The following SV2B variants were observed in gnomAD, a reference collection of about 807,000 sequenced individuals.
The protein encoded by SV2B is synaptic vesicle glycoprotein 2B, also known as solute carrier family 22 member B2.
Under a neutral mutation model 73.9 loss-of-function variants are expected in SV2B, and 41 were observed. The ratio of observed to expected loss-of-function variants is 0.56; its 90% CI spans 0.43 to 0.72. The LOEUF is 0.72. Among genes scored for constraint, SV2B ranks in the 30% least tolerant of loss-of-function variants. The pLI, the probability that SV2B is intolerant of heterozygous loss-of-function variation, is 0.00. For synonymous variants in SV2B, 314 were observed against 314.2 expected (o/e 1.00, Z 0.01); for missense variants, 764 against 857.8 (o/e 0.89, Z 1.37).
At chr15:91,156,894 T>A (rs1422857923) in intron 1 of SV2B, among the ~76,000 whole-genome samples, 2 of 152,196 alleles carry the variant, frequency 1.3e-5, no homozygotes, top group Admixed American at 1.3e-4. Flanking sequence ...GGCTGCTAAT[T>A]GCAATTTTTG....
rs539026456 is a variant in SV2B at position 91,128,281 on chromosome 15, G to C, written c.-392+27918G>C. On this transcript the variant is annotated intron_variant, in intron 1 of 12. Transcript: ENST00000394232. The surrounding 1 kb of genome is among the most constrained non-coding windows in gnomAD (Gnocchi z 4.2). ...CCAAGAAGGTGGGATGGGAGAGCAG[G>C]AGGAGGTGTCAGAATGTAAAAGCTG... Among the ~76,000 whole-genome samples, 1 of 152,182 alleles carries C rather than the reference G, an allele frequency of 6.6e-6. No homozygotes were observed. Among genetic ancestry groups the C allele is most frequent in the African/African-American group, 2.4e-5 (1 of 41,446 alleles).
chr15:91,115,843 A>C lies in SV2B; in HGVS notation c.-392+15480A>C, dbSNP rs1567263985. The stretch of plus-strand genomic sequence containing the variant: ...TTATTTATTCAGCAAATGTTTATTG[A>C]CTTCTCATTGTGTTAGGCATCAGAG... On this transcript the variant is annotated intron_variant, in intron 1 of 12. Coordinates refer to ENST00000394232, the MANE Select transcript of SV2B (RefSeq NM_001323032.3). The surrounding 1 kb of genome is among the most constrained non-coding windows in gnomAD (Gnocchi z 4.3). 6.6e-6 allele frequency among the ~76,000 whole-genome samples: 1 copy of C among 152,088 alleles called. No individual in the cohort carries two copies. The highest frequency in any genetic ancestry group is 2.4e-5 in the African/African-American group (1 of 41,424).
At chr15:91,210,383 G>A (rs2045812577) in intron 1 of SV2B, among the ~76,000 whole-genome samples, 3 of 152,168 alleles carry the variant, frequency 2.0e-5, no homozygotes, top group South Asian at 2.1e-4. Flanking sequence ...GGAGAGTACA[G>A]ATGGCAGGCA....
At position 91,294,775 on chromosome 15, in the gene SV2B, A is replaced by G. The variant is rs950915388; in HGVS notation, c.*2223A>G. 21 of 152,330 alleles carry G rather than the reference A, an allele frequency of 1.4e-4. 1 individual carries two copies. The highest frequency in any genetic ancestry group is 1.2e-3 in the Admixed American group (18 of 15,292). 9.4% of individuals were successfully genotyped at this position (152,330 alleles called of 1,614,324 possible). A position where few individuals can be genotyped will look rare whatever the true frequency, so the allele number is the denominator to read the frequency against. ...ACATTGGAGTGCTGGGGTGGCTGCA[A>G]TAATTTGGGGGCTAACTCCATTTGG... On this transcript the variant is annotated 3_prime_UTR_variant, in exon 13 of 13. Transcript: ENST00000394232. The surrounding 1 kb of genome is among the most constrained non-coding windows in gnomAD (Gnocchi z 4.1).
chr15:91,185,482 G>A (rs559851960), intron 1 of SV2B, among the ~76,000 whole-genome samples: 7 of 152,182 alleles, frequency 4.6e-5, no homozygotes, highest in African/African-American at 1.7e-4. Context: ...TGATGAGAAG[G>A]GTCCTGGTCT....
chr15:91,166,813 C>G (rs1049305966), intron 1 of SV2B, among the ~76,000 whole-genome samples: 20 of 148,346 alleles, frequency 1.3e-4, no homozygotes, highest in Admixed American at 6.7e-4. Context: ...CTTTTGTTTT[C>G]TTTTCTTTTT....
chr15:91,299,713 T>G lies in SV2B; in HGVS notation c.*7161T>G, dbSNP rs1216157069. On this transcript the variant is annotated 3_prime_UTR_variant, in exon 13 of 13. Transcript: ENST00000394232. ...AGGCTGGAGTGCAGTGGTGCAATCTTGGCTTGCTGCAATCTCCACCTCCCA... is the reference window on the plus strand; with the variant it reads ...AGGCTGGAGTGCAGTGGTGCAATCTGGGCTTGCTGCAATCTCCACCTCCCA... The G allele has an allele frequency of 1.3e-5, 2 of 152,204 alleles. No homozygotes were observed. Among genetic ancestry groups the G allele is most frequent in the Non-Finnish European group, 2.9e-5 (2 of 68,038 alleles). The allele number at this position is 152,204 out of a possible 1,614,324, so 9.4% of individuals were successfully genotyped here.
chr15:91,185,748 T>C (rs911915205), intron 1 of SV2B, among the ~76,000 whole-genome samples: 2 of 152,200 alleles, frequency 1.3e-5, no homozygotes, highest in Non-Finnish European at 2.9e-5. Context: ...CTTTGAACTC[T>C]TGCAGTACCT....
intron 1 of SV2B, among the ~76,000 whole-genome samples, chr15:91,154,841 A>T (rs1370652984): frequency 6.6e-6 from 1 of 152,120 alleles, no homozygotes; most frequent in Non-Finnish European, 1.5e-5. Flanking sequence ...GGGTCCAGAA[A>T]TGTGAGAGAG....
intron 1 of SV2B, among the ~76,000 whole-genome samples, chr15:91,164,054 G>A (rs2043823155): frequency 6.6e-6 from 1 of 152,108 alleles, no homozygotes; most frequent in Admixed American, 6.6e-5. Context: ...TATCAGGTTT[G>A]TCAAAGATCA....
intron 9 of SV2B, among the ~76,000 whole-genome samples, chr15:91,274,769 A>G (rs1367860259): frequency 2.0e-5 from 3 of 152,278 alleles, no homozygotes; most frequent in South Asian, 2.1e-4. Context: ...TGCAGTCTGT[A>G]TGATTTTTAT....
intron 11 of SV2B, among the ~76,000 whole-genome samples, chr15:91,285,577 G>T (rs1230475553): frequency 2.0e-5 from 3 of 152,228 alleles, no homozygotes; most frequent in African/African-American, 7.2e-5. Context: ...TCTCTGCCAA[G>T]ATTAGCTTTA....
In SV2B at chr15:91,121,959, A is replaced by G. The variant is rs952083573; in HGVS notation, c.-392+21596A>G. ...CCAGCTAATTTTTTGTATTTTTAGT[A>G]GAGACGGGGTTTCACCATGTTAGCC... On this transcript the variant is annotated intron_variant, in intron 1 of 12. Coordinates refer to ENST00000394232, the MANE Select transcript of SV2B (RefSeq NM_001323032.3). This position sits in a 1 kb window ranked among gnomAD's most constrained non-coding sequence, Gnocchi z 4.4. 1.3e-5 allele frequency among the ~76,000 whole-genome samples: 2 copies of G among 152,028 alleles called. No individual in the cohort carries two copies. The highest frequency in any genetic ancestry group is 2.9e-5 in the Non-Finnish European group (2 of 68,022).
At chr15:91,169,894 C>T (rs2141276566) in intron 1 of SV2B, among the ~76,000 whole-genome samples, 1 of 152,242 alleles carries the variant, frequency 6.6e-6, no homozygotes, top group South Asian at 2.1e-4. Flanking sequence ...TGTTTAACAT[C>T]CCTGTTGTTT....
In SV2B at chr15:91,289,517, G is replaced by A; in HGVS notation, c.1709-4G>A. ...TTCTTTTTGCCCTTGAACTCCCTCT[G>A]CAGGTGGCTCCATGCTAATCTCTGC... On this transcript the variant is annotated splice_region_variant and splice_polypyrimidine_tract_variant and intron_variant, in intron 11 of 12. Coordinates refer to ENST00000394232, the MANE Select transcript of SV2B (RefSeq NM_001323032.3). The surrounding 1 kb of genome is among the most constrained non-coding windows in gnomAD (Gnocchi z 4.9). The A allele has an allele frequency of 1.1e-5, 17 of 1,614,198 alleles. No individual in the cohort carries two copies. Among genetic ancestry groups the A allele is most frequent in the Non-Finnish European group, 1.4e-5 (17 of 1,180,028 alleles).
rs374656700 is a variant in SV2B, at chr15:91,266,577, T to C, written c.1009-5T>C. 2.3e-5 allele frequency: 37 copies of C among 1,611,490 alleles called. No individual in the cohort carries two copies. The African/African-American group carries it at 3.9e-4, about 17-fold the overall frequency. ...AATTCTCTATATCCTATTTTTACTT[T>C]TCAGGTTTCCAACATCAAAACTCCC... On this transcript the variant is annotated splice_region_variant and splice_polypyrimidine_tract_variant and intron_variant, in intron 6 of 12. Transcript: ENST00000394232.
At chr15:91,120,107 T>C (rs1381980631) in intron 1 of SV2B, among the ~76,000 whole-genome samples, 5 of 152,232 alleles carry the variant, frequency 3.3e-5, no homozygotes, top group African/African-American at 1.2e-4. Context: ...AGGCTTTTTG[T>C]ATTAGTCTGT....
In SV2B at chr15:91,268,704, G is replaced by A. The variant is rs1596743456; in HGVS notation, c.1373+99G>A. On this transcript the variant is annotated intron_variant, in intron 9 of 12. Coordinates refer to ENST00000394232, the MANE Select transcript of SV2B (RefSeq NM_001323032.3). This position sits in a 1 kb window ranked among gnomAD's most constrained non-coding sequence, Gnocchi z 4.4. ...GGGAAGATAAGAATCAAATATGGCC[G>A]GGAATGAGCGCCAAGGCTGGTGTCA... The A allele has an allele frequency of 5.5e-6, 8 of 1,453,282 alleles. No individual in the cohort carries two copies. Among genetic ancestry groups the A allele is most frequent in the Admixed American group, 2.1e-5 (1 of 48,190 alleles). 90.0% of individuals were successfully genotyped at this position (1,453,282 alleles called of 1,614,324 possible).
chr15:91,143,087 G>A (rs2043043695), intron 1 of SV2B, among the ~76,000 whole-genome samples: 1 of 152,148 alleles, frequency 6.6e-6, no homozygotes, highest in African/African-American at 2.4e-5. Flanking sequence ...CCCAAGTGTT[G>A]GTGCTGTCCA....
Sources: gnomAD v4.1 joint callset for allele counts (sites outside exome capture counted in the v4.1 genomes callset) on GRCh38, gnomAD v4.1.1 for gene constraint, Gnocchi (gnomAD v3.1) non-coding constraint, MANE v1.5 for transcripts, NCBI Gene and HGNC (gene_info 2026-07-23, HGNC 2026-07-21) for gene names.